Variants in SKAP1 observed in about 807,000 individuals in gnomAD.
The protein encoded by SKAP1 is src kinase-associated phosphoprotein 1.
A neutral mutation model predicts 58.5 loss-of-function variants in SKAP1; 44 were observed. That is an observed-to-expected ratio of 0.75 (90% CI 0.59 to 0.97). The LOEUF (loss-of-function observed/expected upper bound fraction) is 0.97. Ranked by LOEUF, SKAP1 falls within the 50% of genes least tolerant of loss-of-function variation. SKAP1 has a pLI of 0.00. For missense variants in SKAP1, 390 were observed against 435.2 expected, an observed-to-expected ratio of 0.90 and a Z score of 0.92; for synonymous variants, 127 against 149.7, an observed-to-expected ratio of 0.85 and a Z score of 1.11.
At chr17:48,141,039 G>A (rs531622349) in intron 11 of SKAP1, among the ~76,000 whole-genome samples, 1 of 151,898 alleles carries the variant, frequency 6.6e-6, no homozygotes, top group East Asian at 1.9e-4. Flanking sequence ...CACCCGCCTC[G>A]GCCTCCCAAA....
At chr17:48,159,748 A>G (rs1285557018) in intron 11 of SKAP1, among the ~76,000 whole-genome samples, 1 of 152,212 alleles carries the variant, frequency 6.6e-6, no homozygotes, top group Non-Finnish European at 1.5e-5. Flanking sequence ...TGCTTCTTAG[A>G]AGCAAGGCGA....
intron 4 of SKAP1, among the ~76,000 whole-genome samples, chr17:48,207,279 T>C (rs1880955471): frequency 6.6e-6 from 1 of 151,708 alleles, no homozygotes; most frequent in African/African-American, 2.4e-5. Flanking sequence ...AGGCCAGGAG[T>C]TCAAGACCAG....
intron 2 of SKAP1, among the ~76,000 whole-genome samples, chr17:48,378,377 C>T (rs1170897630): frequency 6.6e-6 from 1 of 152,190 alleles, no homozygotes; most frequent in African/African-American, 2.4e-5. Flanking sequence ...ATAACCACAT[C>T]TGCCTCATTT....
At chr17:48,363,515 T>G (rs1166607760) in intron 3 of SKAP1, among the ~76,000 whole-genome samples, 1 of 152,238 alleles carries the variant, frequency 6.6e-6, no homozygotes, top group African/African-American at 2.4e-5. Context: ...TGTTGGCACC[T>G]AACAAAGCTC....
chr17:48,429,600 C>T (rs555053073), intron 1 of SKAP1, among the ~76,000 whole-genome samples: 1 of 152,288 alleles, frequency 6.6e-6, no homozygotes, highest in Admixed American at 6.5e-5. Context: ...ACCACCTGGC[C>T]TTGGCCCATG....
intron 4 of SKAP1, among the ~76,000 whole-genome samples, chr17:48,255,384 A>AT (rs1051135067): frequency 8.6e-5 from 13 of 150,570 alleles, no homozygotes; most frequent in African/African-American, 2.7e-4. Context: ...ATAAAAAAGG[A>AT]TTTTTTTCCT....
chr17:48,337,615 C>T (rs2066591289), intron 4 of SKAP1, among the ~76,000 whole-genome samples: 1 of 152,170 alleles, frequency 6.6e-6, no homozygotes, highest in South Asian at 2.1e-4. Context: ...AGTTCTATGT[C>T]AAATCAATTC....
chr17:48,406,895 G>C (rs1328853550), intron 1 of SKAP1, among the ~76,000 whole-genome samples: 1 of 151,900 alleles, frequency 6.6e-6, no homozygotes, highest in East Asian at 1.9e-4. Context: ...TAGAGATAGG[G>C]TTTCACCATG....
chr17:48,153,186 G>C (rs1026387783), intron 11 of SKAP1, among the ~76,000 whole-genome samples: 1 of 152,190 alleles, frequency 6.6e-6, no homozygotes, highest in African/African-American at 2.4e-5. Context: ...ATGGGTTTTA[G>C]AATAAATGGT....
At chr17:48,253,585 G>T (rs1358015714) in intron 4 of SKAP1, among the ~76,000 whole-genome samples, 2 of 152,122 alleles carry the variant, frequency 1.3e-5, no homozygotes, top group Non-Finnish European at 2.9e-5. Context: ...GATTAGGATG[G>T]CTACAGGATA....
intron 11 of SKAP1, among the ~76,000 whole-genome samples, chr17:48,137,630 G>T (rs879535230): frequency 1.3e-5 from 2 of 152,292 alleles, no homozygotes; most frequent in South Asian, 4.1e-4. Flanking sequence ...TGGCTTCTTA[G>T]AGAAAGTTGG....
chr17:48,441,657 G>A, the SKAP1 span, among the ~76,000 whole-genome samples: 1 of 152,180 alleles, frequency 6.6e-6, no homozygotes, highest in Non-Finnish European at 1.5e-5. Flanking sequence ...CCATTGAGGA[G>A]AGTATAAACC....
At chr17:48,357,411 A>C (rs909531277) in intron 3 of SKAP1, among the ~76,000 whole-genome samples, 1 of 152,102 alleles carries the variant, frequency 6.6e-6, no homozygotes, top group South Asian at 2.1e-4. Flanking sequence ...CGGATGGATC[A>C]TGAGGTCAGG....
At chr17:48,440,715 C>T in the SKAP1 span, among the ~76,000 whole-genome samples, 1 of 152,166 alleles carries the variant, frequency 6.6e-6, no homozygotes, top group Non-Finnish European at 1.5e-5. Context: ...GACTCATACC[C>T]CAAGAAATGA....
At chr17:48,193,431 T>C (rs2064577611) in intron 4 of SKAP1, among the ~76,000 whole-genome samples, 2 of 152,196 alleles carry the variant, frequency 1.3e-5, no homozygotes, top group African/African-American at 4.8e-5. Context: ...AAAATGGGAT[T>C]ATAGGCTCAG....
chr17:48,429,657 T>C (rs2067892580), intron 1 of SKAP1, among the ~76,000 whole-genome samples: 1 of 152,106 alleles, frequency 6.6e-6, no homozygotes, highest in African/African-American at 2.4e-5. Flanking sequence ...CTCGGGGACC[T>C]CTAAGCAGGA....
intron 4 of SKAP1, among the ~76,000 whole-genome samples, chr17:48,328,586 A>G (rs1415830000): frequency 6.6e-6 from 1 of 152,220 alleles, no homozygotes; most frequent in Non-Finnish European, 1.5e-5. Flanking sequence ...GTAATGATTT[A>G]CAGTGGGTGA....
At chr17:48,282,776 C>T (rs79795928) in intron 4 of SKAP1, among the ~76,000 whole-genome samples, 2 of 139,452 alleles carry the variant, frequency 1.4e-5, no homozygotes, top group African/African-American at 5.3e-5. Flanking sequence ...GATCTGGTCT[C>T]AAAAAAAAAA....
intron 9 of SKAP1, among the ~76,000 whole-genome samples, chr17:48,175,037 C>G (rs928066763): frequency 3.3e-5 from 5 of 152,116 alleles, no homozygotes; most frequent in African/African-American, 1.2e-4. Flanking sequence ...AATAAACATT[C>G]TTGGCACAAT....
Sources: allele counts gnomAD v4.1 joint callset (sites outside exome capture counted in the v4.1 genomes callset), GRCh38; gene constraint gnomAD v4.1.1; transcripts MANE v1.5; gene names NCBI Gene and HGNC (gene_info 2026-07-23, HGNC 2026-07-21).